Variants in GBP2 observed in about 807,000 individuals in gnomAD.
GBP2 encodes the protein guanylate binding protein 2, also known as guanylate-binding protein 2.
Under a neutral mutation model 60.8 loss-of-function variants are expected in GBP2, and 54 were observed. The ratio of observed to expected loss-of-function variants is 0.89; its 90% CI spans 0.71 to 1.11. The LOEUF is 1.11. Ranked by LOEUF, GBP2 falls within the 50% of genes most tolerant of loss-of-function variation. The pLI, the probability that GBP2 is intolerant of heterozygous loss-of-function variation, is 0.00. For missense variants in GBP2, 665 were observed against 703.3 expected (o/e 0.95, Z 0.62); for synonymous variants, 243 against 256.5 (o/e 0.95, Z 0.50).
intron 1 of GBP2, among the ~76,000 whole-genome samples, chr1:89,124,714 T>C (rs1178996563): frequency 6.6e-6 from 1 of 152,200 alleles, no homozygotes; most frequent in Non-Finnish European, 1.5e-5. Context: ...AGGACATCAC[T>C]TGTTCTTAAT....
intron 4 of GBP2, 185 bp downstream of exon 4, chr1:89,119,994 G>A (rs1681366691): frequency 1.8e-6 from 1 of 565,818 alleles, no homozygotes; most frequent in Non-Finnish European, 3.2e-6. Context: ...AACGAGACAT[G>A]TAACTGGGAA....
Position 89,109,679 on chromosome 1 carries a change from G to C in GBP2, c.1657C>G (p.Gln553Glu), listed in dbSNP as rs1681123310. The C allele has an allele frequency of 6.2e-7, 1 of 1,612,392 alleles. No homozygotes were observed. Reference sequence around the variant, plus strand: ...ATTGAGATGATGCAATTGAATACCTGAAGTTTAAGAGCGAGGGTCTTCTCT... The same window carrying C: ...ATTGAGATGATGCAATTGAATACCTCAAGTTTAAGAGCGAGGGTCTTCTCT... The part of the protein sequence containing the change: ...EQEKTLALKL[Q>E]EQERLLKEGF... The change falls in exon 10 of 11, where the codon CAG becomes GAG. Residue 553 changes from glutamine to glutamate, a missense_variant and splice_region_variant. Gln to Glu is a conservative substitution (Grantham distance 29). Coordinates refer to ENST00000370466, the MANE Select transcript of GBP2 (RefSeq NM_004120.5).
At chr1:89,109,958 C>A in intron 9 of GBP2, 88 bp from the exon 10 acceptor site, 1 of 1,266,156 alleles carries the variant, frequency 7.9e-7, no homozygotes, top group Non-Finnish European at 1.1e-6. Context: ...TTGTCTTATC[C>A]TTACATCATT....
intron 5 of GBP2, 45 bp downstream of exon 5, chr1:89,117,532 A>G: frequency 6.8e-7 from 1 of 1,462,770 alleles, no homozygotes; most frequent in Non-Finnish European, 9.4e-7. Context: ...TTTTGATATT[A>G]TTTGCTCTCT....
intron 8 of GBP2, among the ~76,000 whole-genome samples, chr1:89,111,049 A>G (rs1024810793): frequency 6.6e-6 from 1 of 152,192 alleles, no homozygotes; most frequent in African/African-American, 2.4e-5. Flanking sequence ...GAATGGACAA[A>G]AACCATATGA....
Position 89,108,098 on chromosome 1 carries a change from T to G in GBP2, c.*77A>C. ...TGAGTTAAGTTTAATGGCAGTTGTT[T>G]GACACTCTGAAGTTGCTCATTCATG... On this transcript the variant is annotated 3_prime_UTR_variant, in exon 11 of 11. Transcript: ENST00000370466. 2 of 746,746 alleles carry G rather than the reference T, an allele frequency of 2.7e-6. No homozygotes were observed. The highest frequency in any genetic ancestry group is 4.4e-5 in the Admixed American group (2 of 45,002). 46.3% of individuals were successfully genotyped at this position (746,746 alleles called of 1,614,324 possible).
rs958982414 is a variant in GBP2, at chr1:89,112,579, C to T, written c.1255G>A (p.Asp419Asn). 6.2e-7 allele frequency: 1 copy of T among 1,613,956 alleles called. No individual in the cohort carries two copies. The highest frequency in any genetic ancestry group is 1.3e-5 in the African/African-American group (1 of 74,934). The change falls in exon 8 of 11, where the codon GAT becomes AAT. Residue 419 changes from aspartate (D) to asparagine (N), a missense_variant. Transcript: ENST00000370466. ...TTAGAAAATGTTCCCTGCTTGACAT[C>T]TTCTTCTAAAGGGCCAAATATATCC... ...LQDIFGPLEE[D>N]VKQGTFSKPG...
rs1681057146 is a variant in GBP2 at position 89,106,597 on chromosome 1, G to T, written c.*1578C>A. ...CACAAAAATACTAACTCAAGTCTTA[G>T]GTTATTCCTACTATAAGATTTATCT... On this transcript the variant is annotated 3_prime_UTR_variant, in exon 11 of 11. Transcript: ENST00000370466. 6.6e-6 allele frequency: 1 copy of T among 152,148 alleles called. No individual in the cohort carries two copies. The highest frequency in any genetic ancestry group is 1.5e-5 in the Non-Finnish European group (1 of 68,022). 9.4% of individuals were successfully genotyped at this position (152,148 alleles called of 1,614,324 possible). A position where few individuals can be genotyped will look rare whatever the true frequency, so the allele number is the denominator to read the frequency against.
At position 89,117,145 on chromosome 1, in the gene GBP2, G is replaced by A. The variant is rs1026163428; in HGVS notation, c.715C>T (p.Pro239Ser). 6.2e-7 allele frequency: 1 copy of A among 1,613,998 alleles called. No individual in the cohort carries two copies. Among genetic ancestry groups the A allele is most frequent in the Non-Finnish European group, 8.5e-7 (1 of 1,180,002 alleles). The change falls in exon 6 of 11, where the codon CCC becomes TCC. Residue 239 changes from proline to serine, a missense_variant. Coordinates refer to ENST00000370466, the MANE Select transcript of GBP2 (RefSeq NM_004120.5). ...PKRKCFVFDW[P>S]APKKYLAHLE... The stretch of plus-strand genomic sequence containing the variant: ...TGAGCAAGGTACTTCTTAGGAGCGG[G>A]CCAATCGAAGACGAAGCACTTCCTC...
At chr1:89,108,845 C>A (rs542414636) in intron 10 of GBP2, among the ~76,000 whole-genome samples, 1 of 151,920 alleles carries the variant, frequency 6.6e-6, no homozygotes, top group African/African-American at 2.4e-5. Context: ...AAAGTATTGG[C>A]ACCATGGGCA....
intron 6 of GBP2, 114 bp from the exon 7 acceptor site, chr1:89,114,410 A>G (rs1162625071): frequency 1.1e-5 from 14 of 1,235,352 alleles, no homozygotes; most frequent in Non-Finnish European, 1.6e-5. Context: ...TTGGATAAAG[A>G]ATAGTAATGG....
At chr1:89,116,772 C>T (rs1428923164) in intron 6 of GBP2, among the ~76,000 whole-genome samples, 2 of 150,712 alleles carry the variant, frequency 1.3e-5, no homozygotes, top group East Asian at 3.9e-4. Flanking sequence ...GAATTCAATT[C>T]TAGTTCTTTT....
intron 1 of GBP2, among the ~76,000 whole-genome samples, chr1:89,125,263 T>C (rs1490535602): frequency 6.6e-6 from 1 of 152,244 alleles, no homozygotes; most frequent in Non-Finnish European, 1.5e-5. Flanking sequence ...CTTGCTCTGA[T>C]GAAGGCTTAT....
chr1:89,120,155 G>A, intron 4 of GBP2, 24 bp downstream of exon 4: 1 of 1,558,696 alleles, frequency 6.4e-7, no homozygotes. Context: ...GTTTACTGCT[G>A]TTCTGGACCA....
At chr1:89,117,812 T>G in intron 4 of GBP2, 39 bp from the exon 5 acceptor site, 1 of 1,485,490 alleles carries the variant, frequency 6.7e-7, no homozygotes, top group Non-Finnish European at 9.2e-7. Flanking sequence ...AAAATGCCAC[T>G]CTTTATACTA....
At position 89,117,877 on chromosome 1, in the gene GBP2, C is replaced by A. The variant is rs12086963; in HGVS notation, c.429-104G>T. On this transcript the variant is annotated intron_variant, in intron 4 of 10. Coordinates refer to ENST00000370466, the MANE Select transcript of GBP2 (RefSeq NM_004120.5). ...TTTGGTTTCTTTTTATTAGCTCATT[C>A]ATTCATTCACAAACATTTATTTACA... 1,837 of 837,212 alleles carry A rather than the reference C, an allele frequency of 2.2e-3. 28 individuals are homozygous for A. The African/African-American group carries it at 0.028, about 13-fold the overall frequency. 51.9% of individuals were successfully genotyped at this position (837,212 alleles called of 1,614,324 possible). A position where few individuals can be genotyped will look rare whatever the true frequency, so the allele number is the denominator to read the frequency against.
At position 89,121,284 on chromosome 1, in the gene GBP2, G is replaced by A. The variant is rs759411676; in HGVS notation, c.191-14C>T. 2 of 1,577,566 alleles carry A rather than the reference G, an allele frequency of 1.3e-6. No homozygotes were observed. Among genetic ancestry groups the A allele is most frequent in the Non-Finnish European group, 1.7e-6 (2 of 1,164,830 alleles). ...CTAGAGAGAAGCCTGTAGAAGGAGA[G>A]GATAAAAGGGAAAAGAAATTACTTA... On this transcript the variant is annotated splice_polypyrimidine_tract_variant and intron_variant, in intron 2 of 10. Coordinates refer to ENST00000370466, the MANE Select transcript of GBP2 (RefSeq NM_004120.5).
In GBP2 at chr1:89,121,817, G is replaced by A. The variant is rs746499220; in HGVS notation, c.150C>T (p.Gly50=). 1.1e-5 allele frequency: 18 copies of A among 1,614,048 alleles called. No individual in the cohort carries two copies. In the South Asian group the frequency reaches 1.4e-4, roughly 13 times the overall value. ...CCAGCTTGTTCATCAGGTAGGATTT[G>A]CCTGTGCGATAGAGGCCCACAATCG... ...VVAIVGLYRT[G]KSYLMNKLAG... is the part of the protein sequence containing the mutation. Residue 50 remains glycine, a synonymous_variant, in exon 2 of 11, where the codon GGC becomes GGT. Transcript: ENST00000370466.
chr1:89,110,365 A>C (rs1056475256), intron 8 of GBP2, 99 bp from the exon 9 acceptor site: 6 of 876,944 alleles, frequency 6.8e-6, no homozygotes, highest in Non-Finnish European at 1.1e-5. Context: ...ATAAGTCATT[A>C]CACAAAAAAG....
Sources: allele counts gnomAD v4.1 joint callset (sites outside exome capture counted in the v4.1 genomes callset), GRCh38; gene constraint gnomAD v4.1.1; transcripts MANE v1.5; gene names NCBI Gene and HGNC (gene_info 2026-07-23, HGNC 2026-07-21).